The following MED22 variants were observed in gnomAD, a reference collection of about 807,000 sequenced individuals.
MED22 encodes the protein mediator of RNA polymerase II transcription subunit 22.
Under a neutral mutation model 22.7 loss-of-function variants are expected in MED22, and 22 were observed. The ratio of observed to expected loss-of-function variants is 0.97; its 90% CI spans 0.69 to 1.38. The LOEUF is 1.38. Among genes scored for constraint, MED22 ranks in the 40% most tolerant of loss-of-function variants. The pLI is 0.00. For synonymous variants in MED22, 134 were observed against 119.4 expected, an observed-to-expected ratio of 1.12 and a Z score of -0.80; for missense variants, 247 against 263.0, an observed-to-expected ratio of 0.94 and a Z score of 0.42.
intron 2 of MED22, among the ~76,000 whole-genome samples, chr9:133,346,188 C>T (rs1308183383): frequency 3.3e-5 from 5 of 152,182 alleles, no homozygotes; most frequent in African/African-American, 1.2e-4. Context: ...ACCGCTCCAC[C>T]TGCCTGGAGG....
At position 133,347,999 on chromosome 9, in the gene MED22, C is replaced by A; in HGVS notation, c.-116G>T. 1 of 585,956 alleles carries A rather than the reference C, an allele frequency of 1.7e-6. No individual in the cohort carries two copies. The highest frequency in any genetic ancestry group is 2.9e-5 in the Admixed American group (1 of 35,024). The allele number at this position is 585,956 out of a possible 1,614,324, so 36.3% of individuals were successfully genotyped here. A position where few individuals can be genotyped will look rare whatever the true frequency, so the allele number is the denominator to read the frequency against. On this transcript the variant is annotated 5_prime_UTR_variant, in exon 1 of 5. Coordinates refer to ENST00000343730, the MANE Select transcript of MED22 (RefSeq NM_133640.5). ...GGGGTGGTCAAGTGCCTCTGCGACC[C>A]GCACTTTCCCGCGTCTCTCCCACGG...
chr9:133,343,248 G>C (rs1258448795), intron 4 of MED22: 2 of 1,207,466 alleles, frequency 1.7e-6, no homozygotes, highest in African/African-American at 3.1e-5. Context: ...CCACCACCAG[G>C]AAGGAAAGGT....
rs112461556 is a variant in MED22 at position 133,341,285 on chromosome 9, C to T, written c.*220G>A. ...AAGGCAGCAAACAGAGATGATGACT[C>T]GGAATGATGGGCTATTCGGAAATGG... On this transcript the variant is annotated 3_prime_UTR_variant, in exon 5 of 5. Transcript: ENST00000343730. 29 of 457,548 alleles carry T rather than the reference C, an allele frequency of 6.3e-5. 1 individual carries two copies. The highest frequency in any genetic ancestry group is 2.9e-4 in the African/African-American group (14 of 49,062). 28.3% of individuals were successfully genotyped at this position (457,548 alleles called of 1,614,324 possible).
rs1836032231 is a variant in MED22 at position 133,342,364 on chromosome 9, C to T, written c.414-670G>A. The T allele has an allele frequency of 3.0e-6, 3 of 986,100 alleles. No individual in the cohort carries two copies. The African/African-American group carries it at 5.2e-5, about 17-fold the overall frequency. 61.1% of individuals were successfully genotyped at this position (986,100 alleles called of 1,614,324 possible). A position where few individuals can be genotyped will look rare whatever the true frequency, so the allele number is the denominator to read the frequency against. On this transcript the variant is annotated intron_variant, in intron 4 of 4. Transcript: ENST00000343730. Reference sequence around the variant, plus strand: ...CCTCTTTCTAACCTGCAGGCAGGGGCCCTGGCTTTCCCGCGGCCTGCCTCG... The same window carrying T: ...CCTCTTTCTAACCTGCAGGCAGGGGTCCTGGCTTTCCCGCGGCCTGCCTCG...
rs1835936244 is a variant in MED22, at chr9:133,338,458, A to G, written c.*3047T>C. 6.4e-6 allele frequency: 1 copy of G among 156,552 alleles called. No individual in the cohort carries two copies. Among genetic ancestry groups the G allele is most frequent in the African/African-American group, 2.4e-5 (1 of 41,484 alleles). The allele number at this position is 156,552 out of a possible 1,614,324, so 9.7% of individuals were successfully genotyped here. A position where few individuals can be genotyped will look rare whatever the true frequency, so the allele number is the denominator to read the frequency against. ...GTAGCTGGGATTATAGGCATGGACC[A>G]GCACGCCCGGCTAATTTTTGTATTT... On this transcript the variant is annotated 3_prime_UTR_variant, in exon 5 of 5. Transcript: ENST00000343730.
At chr9:133,341,829 C>A in intron 4 of MED22, 135 bp from the exon 5 acceptor site, 1 of 1,423,106 alleles carries the variant, frequency 7.0e-7, no homozygotes, top group Non-Finnish European at 9.1e-7. Flanking sequence ...TTCTCCACTC[C>A]TGCTCCATCT....
At position 133,341,436 on chromosome 9, in the gene MED22, A is replaced by G; in HGVS notation, c.*69T>C. 2.1e-6 allele frequency: 3 copies of G among 1,407,414 alleles called. No individual in the cohort carries two copies. The highest frequency in any genetic ancestry group is 6.8e-5 in the Admixed American group (2 of 29,592). 87.2% of individuals were successfully genotyped at this position (1,407,414 alleles called of 1,614,324 possible). A position where few individuals can be genotyped will look rare whatever the true frequency, so the allele number is the denominator to read the frequency against. On this transcript the variant is annotated 3_prime_UTR_variant, in exon 5 of 5. Transcript: ENST00000343730. ...AATGGGAACCTAGGCTGAGAGAAGC[A>G]AGGCTGTGAGGGCATCCAAAGGGCT...
At position 133,338,849 on chromosome 9, in the gene MED22, G is replaced by A. The variant is rs1286601758; in HGVS notation, c.*2656C>T. Reference sequence around the variant, plus strand: ...CCGCTTTGGCTTCTCAAAGTGCTGGGATTACAGCAGGAGCCACTGGGCCTG... The same window carrying A: ...CCGCTTTGGCTTCTCAAAGTGCTGGAATTACAGCAGGAGCCACTGGGCCTG... On this transcript the variant is annotated 3_prime_UTR_variant, in exon 5 of 5. Coordinates refer to ENST00000343730, the MANE Select transcript of MED22 (RefSeq NM_133640.5). 1.7e-5 allele frequency: 7 copies of A among 417,158 alleles called. No homozygotes were observed. The Admixed American group carries it at 2.0e-4, about 12-fold the overall frequency. The allele number at this position is 417,158 out of a possible 1,614,324, so 25.8% of individuals were successfully genotyped here. A position where few individuals can be genotyped will look rare whatever the true frequency, so the allele number is the denominator to read the frequency against.
chr9:133,341,768 A>G (rs1588677947), intron 4 of MED22, 74 bp from the exon 5 acceptor site: 4 of 1,558,720 alleles, frequency 2.6e-6, no homozygotes, highest in Non-Finnish European at 3.4e-6. Context: ...GGAGAGCAAG[A>G]CAGAAGCAGA....
In MED22 at chr9:133,339,209, A is replaced by C; in HGVS notation, c.*2296T>G. The C allele has an allele frequency of 4.3e-6, 3 of 696,234 alleles. No individual in the cohort carries two copies. The highest frequency in any genetic ancestry group is 8.0e-6 in the Non-Finnish European group (3 of 374,294). 43.1% of individuals were successfully genotyped at this position (696,234 alleles called of 1,614,324 possible). A position where few individuals can be genotyped will look rare whatever the true frequency, so the allele number is the denominator to read the frequency against. On this transcript the variant is annotated 3_prime_UTR_variant, in exon 5 of 5. Transcript: ENST00000343730. Reference sequence around the variant, plus strand: ...CAGTGTTCCCCAGCATGCTGTTGGCACTGTTGTAAACAAGTAAGGGCAAGA... The same window carrying C: ...CAGTGTTCCCCAGCATGCTGTTGGCCCTGTTGTAAACAAGTAAGGGCAAGA...
intron 4 of MED22, chr9:133,343,257 G>C: frequency 8.2e-7 from 1 of 1,214,670 alleles, no homozygotes; most frequent in African/African-American, 1.6e-5. Context: ...GGAAGGAAAG[G>C]TTTGTCCAGG....
intron 4 of MED22, chr9:133,343,400 G>C: frequency 8.2e-7 from 1 of 1,226,298 alleles, no homozygotes; most frequent in South Asian, 4.2e-5. Context: ...CGTAGACTCT[G>C]ATTTCTCAGG....
At chr9:133,346,460 C>T in intron 2 of MED22, 80 bp downstream of exon 2, 2 of 1,563,782 alleles carry the variant, frequency 1.3e-6, no homozygotes, top group South Asian at 1.2e-5. Flanking sequence ...ACTATTCACT[C>T]GCGCTGCTCA....
At chr9:133,345,138 A>T in intron 3 of MED22, 34 bp downstream of exon 3, 1 of 1,606,622 alleles carries the variant, frequency 6.2e-7, no homozygotes, top group Non-Finnish European at 8.5e-7. Context: ...ATGCTCTTGG[A>T]GCCCAGGCCG....
At chr9:133,344,892 G>C (rs992108002) in intron 3 of MED22, among the ~76,000 whole-genome samples, 1 of 152,172 alleles carries the variant, frequency 6.6e-6, no homozygotes, top group African/African-American at 2.4e-5. Context: ...CCCTCTTTCT[G>C]GCCACTGCAC....
At position 133,339,175 on chromosome 9, in the gene MED22, G is replaced by A; in HGVS notation, c.*2330C>T. ...ACAAATGTCACCATGGCTAGACTGG[G>A]AGAGTCTACAGTGTTCCCCAGCATG... On this transcript the variant is annotated 3_prime_UTR_variant, in exon 5 of 5. Transcript: ENST00000343730. The A allele has an allele frequency of 1.5e-6, 1 of 684,724 alleles. No individual in the cohort carries two copies. Among genetic ancestry groups the A allele is most frequent in the Non-Finnish European group, 2.7e-6 (1 of 367,864 alleles). 42.4% of individuals were successfully genotyped at this position (684,724 alleles called of 1,614,324 possible).
intron 4 of MED22, chr9:133,342,476 G>A (rs2129953418): frequency 2.2e-5 from 22 of 986,540 alleles, no homozygotes; most frequent in Admixed American, 6.2e-5. Context: ...GAACGCAAAG[G>A]AGAGGCAGAG....
At chr9:133,345,315 C>G in intron 2 of MED22, 63 bp from the exon 3 acceptor site, 1 of 1,511,810 alleles carries the variant, frequency 6.6e-7, no homozygotes, top group Non-Finnish European at 9.1e-7. Context: ...CCTGGCCCGG[C>G]CCAGCCCAGC....
chr9:133,346,471 GC>G, intron 2 of MED22, 68 bp downstream of exon 2: 1 of 1,592,854 alleles, frequency 6.3e-7, no homozygotes. Context: ...GCGCTGCTCA[GC>G]CCCTGGCCTC....
Sources: allele counts gnomAD v4.1 joint callset (sites outside exome capture counted in the v4.1 genomes callset), GRCh38; gene constraint gnomAD v4.1.1; transcripts MANE v1.5; gene names NCBI Gene and HGNC (gene_info 2026-07-23, HGNC 2026-07-21).